Variants in SCAF4 observed in about 807,000 individuals in gnomAD.
SCAF4 encodes SR-related CTD associated factor 4, also known as SR-related and CTD-associated factor 4.
A neutral mutation model predicts 129.8 loss-of-function variants in SCAF4; 25 were observed. The ratio of observed to expected loss-of-function variants is 0.19; its 90% CI spans 0.14 to 0.27. The LOEUF (loss-of-function observed/expected upper bound fraction) is 0.27, where lower values mean the gene tolerates loss of function less well. Ranked by LOEUF, SCAF4 falls within the 10% of genes least tolerant of loss-of-function variation. The pLI is 1.00. For missense variants in SCAF4, 1,246 were observed against 1,457.1 expected (o/e 0.86, Z 2.36); for synonymous variants, 551 against 497.7 (o/e 1.11, Z -1.43).
chr21:31,692,593 A>T, intron 12 of SCAF4, 144 bp from the exon 13 acceptor site: 1 of 546,166 alleles, frequency 1.8e-6, no homozygotes, highest in Admixed American at 3.1e-5. Context: ...CATACATTTT[A>T]AAAATTCTAG....
chr21:31,696,448 T>C lies in SCAF4; in HGVS notation c.959+121A>G. 3 of 1,077,670 alleles carry C rather than the reference T, an allele frequency of 2.8e-6. No homozygotes were observed. In the South Asian group the frequency reaches 5.9e-5, roughly 21 times the overall value. 66.8% of individuals were successfully genotyped at this position (1,077,670 alleles called of 1,614,324 possible). ...CCTTCCTCATTCAAGAGAAAACTAA[T>C]ACCACAAATTTTACAAAACAACTTC... is the stretch of plus-strand genomic sequence containing the variant. On this transcript the variant is annotated intron_variant, in intron 8 of 19. Transcript: ENST00000286835.
intron 1 of SCAF4, among the ~76,000 whole-genome samples, chr21:31,717,894 T>A (rs1446493606): frequency 9.3e-6 from 1 of 107,360 alleles, no homozygotes. Flanking sequence ...TACACATATA[T>A]ACACATATAT....
intron 1 of SCAF4, among the ~76,000 whole-genome samples, chr21:31,727,018 A>C (rs914930290): frequency 1.3e-5 from 2 of 152,172 alleles, no homozygotes; most frequent in African/African-American, 4.8e-5. Flanking sequence ...TAAATTAAAA[A>C]CACAAAATAG....
chr21:31,711,030 A>G (rs1380349013), intron 1 of SCAF4, among the ~76,000 whole-genome samples: 1 of 152,088 alleles, frequency 6.6e-6, no homozygotes, highest in African/African-American at 2.4e-5. Flanking sequence ...TTCTTTTTTT[A>G]AACTCCTGAG....
intron 1 of SCAF4, among the ~76,000 whole-genome samples, chr21:31,714,003 A>T (rs1186614845): frequency 1.3e-5 from 2 of 152,148 alleles, no homozygotes; most frequent in Non-Finnish European, 2.9e-5. Context: ...AAAAACCAGA[A>T]ATTGTGGTCT....
Position 31,729,114 on chromosome 21 carries a change from C to T in SCAF4, c.30+2549G>A, listed in dbSNP as rs191981378. On this transcript the variant is annotated intron_variant, in intron 1 of 19. Transcript: ENST00000286835. ...ACTACGAACGAAACAGTTTTGATTA[C>T]ATTATCCCACTGCTTAAAACCTTCA... 2.0e-5 allele frequency among the ~76,000 whole-genome samples: 3 copies of T among 152,334 alleles called. No individual in the cohort carries two copies. In the East Asian group the frequency reaches 5.8e-4, roughly 29 times the overall value.
Position 31,688,347 on chromosome 21 carries a change from G to A in SCAF4, c.2003C>T (p.Pro668Leu). Residue 668 changes from proline to leucine, a missense_variant, in exon 16 of 20, where the codon CCT becomes CTT. Pro to Leu is a moderately conservative substitution (Grantham distance 98). This residue lies in a region of SCAF4 where 468 missense variants were observed against 605.5 expected (regional missense o/e 0.77). Transcript: ENST00000286835. Reference sequence around the variant, plus strand: ...TGTTATAGGTGCAGGAACAGGAATAGGAGGGACAGGCACAGGTAATGGTTT... The same window carrying A: ...TGTTATAGGTGCAGGAACAGGAATAAGAGGGACAGGCACAGGTAATGGTTT... Reference protein sequence around the residue: ...IPKPLPVPVPPIPVPAPITVP... With the variant: ...IPKPLPVPVPLIPVPAPITVP... 5.6e-6 allele frequency: 9 copies of A among 1,613,222 alleles called. No individual in the cohort carries two copies. The highest frequency in any genetic ancestry group is 7.6e-6 in the Non-Finnish European group (9 of 1,179,320).
chr21:31,724,813 C>G (rs1033654042), intron 1 of SCAF4, among the ~76,000 whole-genome samples: 1 of 152,200 alleles, frequency 6.6e-6, no homozygotes, highest in East Asian at 1.9e-4. Context: ...TAGAAACCAA[C>G]TTTTCCATTA....
intron 2 of SCAF4, among the ~76,000 whole-genome samples, chr21:31,705,838 T>C (rs1194416146): frequency 6.6e-6 from 1 of 152,238 alleles, no homozygotes; most frequent in Non-Finnish European, 1.5e-5. Context: ...TTCATGGAGC[T>C]TGAATTTTTT....
intron 14 of SCAF4, among the ~76,000 whole-genome samples, chr21:31,691,375 C>T (rs2050255796): frequency 2.6e-5 from 4 of 152,246 alleles, no homozygotes; most frequent in South Asian, 2.1e-4. Flanking sequence ...TGTTAAGACA[C>T]TGAAGAAACA....
intron 19 of SCAF4, among the ~76,000 whole-genome samples, chr21:31,674,382 A>C (rs1374595639): frequency 6.6e-6 from 1 of 152,212 alleles, no homozygotes. Flanking sequence ...TTAAAACATT[A>C]TACACTCAAA....
chr21:31,702,048 A>G (rs1008245168), intron 5 of SCAF4, 130 bp from the exon 6 acceptor site: 1 of 1,267,040 alleles, frequency 7.9e-7, no homozygotes, highest in Non-Finnish European at 1.1e-6. Context: ...GTGGCACTAG[A>G]GTTTATACTG....
chr21:31,718,343 C>G (rs2050989726), intron 1 of SCAF4, among the ~76,000 whole-genome samples: 1 of 152,170 alleles, frequency 6.6e-6, no homozygotes. Context: ...GTCACAGACT[C>G]AAACCTTTTG....
rs751637894 is a variant in SCAF4, at chr21:31,694,860, A to C, written c.1189T>G (p.Ser397Ala). 2.5e-6 allele frequency: 4 copies of C among 1,614,058 alleles called. No individual in the cohort carries two copies. Among genetic ancestry groups the C allele is most frequent in the Admixed American group, 1.7e-5 (1 of 60,012 alleles). Reference sequence around the variant, plus strand: ...AGTGGTTCATTTTGTGCCTGAAAAGAAGCTTGGAAAGGCTGCTGCACTGGT... The same window carrying C: ...AGTGGTTCATTTTGTGCCTGAAAAGCAGCTTGGAAAGGCTGCTGCACTGGT... Reference protein sequence around the residue: ...TPPVQQPFQASFQAQNEPLTQ... With the variant: ...TPPVQQPFQAAFQAQNEPLTQ... The change falls in exon 10 of 20, where the codon TCT becomes GCT. Residue 397 changes from serine to alanine, a missense_variant. By Grantham distance (99) the Ser-to-Ala change is moderately conservative. Coordinates refer to ENST00000286835, the MANE Select transcript of SCAF4 (RefSeq NM_020706.2).
rs535785375 is a variant in SCAF4 at position 31,684,981 on chromosome 21, T to C, written c.2488+68A>G. 306 of 489,664 alleles carry C rather than the reference T, an allele frequency of 6.2e-4. 3 individuals carry two copies. The East Asian group carries it at 0.012, about 19-fold the overall frequency. The allele number at this position is 489,664 out of a possible 1,614,324, so 30.3% of individuals were successfully genotyped here. ...ATTGTTTTTTTAAAAAAATCTAACT[T>C]GGGGATGGGTGGGGGGGTGGGGGGG... On this transcript the variant is annotated intron_variant, in intron 19 of 19. Coordinates refer to ENST00000286835, the MANE Select transcript of SCAF4 (RefSeq NM_020706.2).
chr21:31,723,629 T>TGTGCGCGCGCGC (rs1271033175), intron 1 of SCAF4, among the ~76,000 whole-genome samples: 11 of 149,000 alleles, frequency 7.4e-5, no homozygotes, highest in Non-Finnish European at 1.5e-5. Context: ...TGTGTGTGTG[T>TGTGCGCGCGCGC]GCGCGCGCGC....
chr21:31,729,695 G>A lies in SCAF4; in HGVS notation c.30+1968C>T, dbSNP rs189900538. On this transcript the variant is annotated intron_variant, in intron 1 of 19. Transcript: ENST00000286835. Reference sequence around the variant, plus strand: ...CTAGAGGAGTTTTAATTTAGCAGAAGAGAGCTGGCATTCTTTGCAGTTCAT... The same window carrying A: ...CTAGAGGAGTTTTAATTTAGCAGAAAAGAGCTGGCATTCTTTGCAGTTCAT... Among the ~76,000 whole-genome samples the A allele has an allele frequency of 3.9e-3, 592 of 152,342 alleles. 6 individuals are homozygous for A. Among genetic ancestry groups the A allele is most frequent in the African/African-American group, 0.013 (555 of 41,586 alleles).
intron 1 of SCAF4, among the ~76,000 whole-genome samples, chr21:31,720,591 G>A (rs1015122012): frequency 6.6e-6 from 1 of 152,184 alleles, no homozygotes; most frequent in Admixed American, 6.5e-5. Flanking sequence ...GCTCTTCAAA[G>A]GACTGTGTCA....
chr21:31,693,631 T>C (rs929783421), intron 11 of SCAF4, 147 bp from the exon 12 acceptor site: 1 of 443,418 alleles, frequency 2.3e-6, no homozygotes, highest in Non-Finnish European at 3.8e-6. Context: ...ATTTTACAGA[T>C]TTAGTATGTC....
Sources: gnomAD v4.1 joint callset for allele counts (sites outside exome capture counted in the v4.1 genomes callset) on GRCh38, gnomAD v4.1.1 for gene constraint, gnomAD v4.1.1 regional missense constraint, MANE v1.5 for transcripts, NCBI Gene and HGNC (gene_info 2026-07-23, HGNC 2026-07-21) for gene names.